Variants in GCLC observed in about 807,000 individuals in gnomAD.
GCLC encodes glutamate-cysteine ligase catalytic subunit, also known as glutamate--cysteine ligase catalytic subunit.
A neutral mutation model predicts 81.5 loss-of-function variants in GCLC; 30 were observed. The observed-to-expected ratio is 0.37, with a 90% confidence interval of 0.28 to 0.50. The LOEUF (loss-of-function observed/expected upper bound fraction) is 0.50. Among genes scored for constraint, GCLC ranks in the 20% least tolerant of loss-of-function variants. The probability of loss-of-function intolerance (pLI) is 0.96; values close to 1 mark genes in which losing one functional copy is unlikely to be tolerated. For synonymous variants in GCLC, 262 were observed against 273.3 expected (o/e 0.96, Z 0.41); for missense variants, 556 against 777.4 (o/e 0.72, Z 3.39).
At position 53,500,099 on chromosome 6, in the gene GCLC, C is replaced by G. The variant is rs751069381; in HGVS notation, c.1648G>C (p.Asp550His). 8.7e-6 allele frequency: 14 copies of G among 1,609,686 alleles called. No individual in the cohort carries two copies. Among genetic ancestry groups the G allele is most frequent in the Non-Finnish European group, 2.6e-6 (3 of 1,176,102 alleles). The change falls in exon 15 of 16, where the codon GAC becomes CAC. Residue 550 changes from aspartate to histidine, a missense_variant. This residue lies in a region of GCLC where 313 missense variants were observed against 437.3 expected (regional missense o/e 0.72). Coordinates refer to ENST00000650454, the MANE Select transcript of GCLC (RefSeq NM_001498.4). ...TAGTTCAGAATACTACATCTGGTGT[C>G]CACATCCACTTCCATGTTTTCAAGG... ...SYLENMEVDV[D>H]TRCSILNYLK...
chr6:53,541,039 A>G (rs1763345129), intron 1 of GCLC, among the ~76,000 whole-genome samples: 1 of 152,116 alleles, frequency 6.6e-6, no homozygotes, highest in Non-Finnish European at 1.5e-5. Context: ...ACATGGTGAA[A>G]CCCCGATTCT....
At chr6:53,532,346 A>C (rs1298453545) in intron 1 of GCLC, among the ~76,000 whole-genome samples, 1 of 152,252 alleles carries the variant, frequency 6.6e-6, no homozygotes, top group Non-Finnish European at 1.5e-5. Flanking sequence ...CTGAGATACT[A>C]AATGACCGAG....
At chr6:53,521,005 A>C in intron 2 of GCLC, 45 bp from the exon 3 acceptor site, 1 of 1,484,374 alleles carries the variant, frequency 6.7e-7, no homozygotes, top group South Asian at 1.1e-5. Flanking sequence ...CTTTTGCTAT[A>C]GTCTGCTCAA....
chr6:53,505,264 T>C (rs775080837), intron 12 of GCLC, 128 bp downstream of exon 12: 1 of 684,376 alleles, frequency 1.5e-6, no homozygotes, highest in South Asian at 1.6e-5. Flanking sequence ...ATAGGGCTGA[T>C]GGAGAAACAT....
chr6:53,541,890 G>A (rs1763362464), intron 1 of GCLC, among the ~76,000 whole-genome samples: 1 of 152,096 alleles, frequency 6.6e-6, no homozygotes, highest in South Asian at 2.1e-4. Context: ...GGGGTAGGGG[G>A]CTAGGGTCTC....
intron 1 of GCLC, among the ~76,000 whole-genome samples, chr6:53,541,412 C>T (rs529715671): frequency 2.5e-3 from 379 of 152,212 alleles, no homozygotes; most frequent in African/African-American, 8.4e-3. Context: ...TAATTCTTTC[C>T]TTTGTGTCGG....
At position 53,514,201 on chromosome 6, in the gene GCLC, T is replaced by C. The variant is rs1387009473; in HGVS notation, c.753+3A>G. On this transcript the variant is annotated splice_donor_region_variant and intron_variant, in intron 6 of 15. Coordinates refer to ENST00000650454, the MANE Select transcript of GCLC (RefSeq NM_001498.4). ...TTGCCTCTCTGTATATTTGAAACTA[T>C]ACCTGGAGACAGCAATTGCCCATTC... is the stretch of plus-strand genomic sequence containing the variant. The C allele has an allele frequency of 1.2e-6, 2 of 1,613,918 alleles. No individual in the cohort carries two copies. Among genetic ancestry groups the C allele is most frequent in the South Asian group, 1.1e-5 (1 of 91,070 alleles).
In GCLC at chr6:53,509,193, T is replaced by C; in HGVS notation, c.811A>G (p.Thr271Ala). Residue 271 changes from threonine (T) to alanine (A), a missense_variant, in exon 7 of 16, where the codon ACT becomes GCT. Coordinates refer to ENST00000650454, the MANE Select transcript of GCLC (RefSeq NM_001498.4). ...EARYLYDQLA[T>A]ICPIVMALSA... ...CTACTTACAACAATTGGACAGATAGTAGCCAACTGATCATAAAGGTATCTG... is the reference window on the plus strand; with the variant it reads ...CTACTTACAACAATTGGACAGATAGCAGCCAACTGATCATAAAGGTATCTG... 6.3e-7 allele frequency: 1 copy of C among 1,593,086 alleles called. No homozygotes were observed.
At position 53,544,980 on chromosome 6, in the gene GCLC, C is replaced by G. The variant is rs1395022286; in HGVS notation, c.-335G>C. ...GGCGGCGGCGGACCCCACGGCCGCGCTGCCGCGGCGGCTCCCGCTTCTCTT... is the reference window on the plus strand; with the variant it reads ...GGCGGCGGCGGACCCCACGGCCGCGGTGCCGCGGCGGCTCCCGCTTCTCTT... On this transcript the variant is annotated 5_prime_UTR_variant, in exon 1 of 16. Coordinates refer to ENST00000650454, the MANE Select transcript of GCLC (RefSeq NM_001498.4). 5.2e-6 allele frequency: 1 copy of G among 191,866 alleles called. No individual in the cohort carries two copies. Among genetic ancestry groups the G allele is most frequent in the Non-Finnish European group, 1.1e-5 (1 of 94,494 alleles). 11.9% of individuals were successfully genotyped at this position (191,866 alleles called of 1,614,324 possible). A position where few individuals can be genotyped will look rare whatever the true frequency, so the allele number is the denominator to read the frequency against.
intron 12 of GCLC, chr6:53,500,938 T>G (rs879232437): frequency 5.2e-5 from 16 of 308,698 alleles, no homozygotes; most frequent in Middle Eastern, 1.1e-3. Flanking sequence ...TTTTTTGAGA[T>G]GGAGTCTCGC....
intron 2 of GCLC, 78 bp from the exon 3 acceptor site, chr6:53,521,038 T>C (rs1485256334): frequency 1.0e-5 from 12 of 1,151,090 alleles, no homozygotes; most frequent in Non-Finnish European, 1.6e-5. Flanking sequence ...TAAAGTTGCT[T>C]TAAAAGTGTA....
intron 1 of GCLC, among the ~76,000 whole-genome samples, chr6:53,538,354 T>C (rs1162414508): frequency 6.7e-6 from 1 of 148,534 alleles, no homozygotes; most frequent in Non-Finnish European, 1.5e-5. Context: ...TGAGATGCAG[T>C]CTCGCTCTGC....
intron 1 of GCLC, among the ~76,000 whole-genome samples, chr6:53,542,205 C>A (rs533717329): frequency 6.6e-6 from 1 of 152,120 alleles, no homozygotes; most frequent in African/African-American, 2.4e-5. Context: ...ATCTGCTCAG[C>A]GTAATTTTTT....
At chr6:53,522,564 C>T (rs1239637780) in intron 1 of GCLC, 37 bp from the exon 2 acceptor site, 1 of 1,344,632 alleles carries the variant, frequency 7.4e-7, no homozygotes, top group South Asian at 1.2e-5. Flanking sequence ...TAACATTCTT[C>T]CAGACTTGTT....
chr6:53,513,392 C>G (rs568475200), intron 6 of GCLC: 1 of 152,188 alleles, frequency 6.6e-6, no homozygotes, highest in East Asian at 1.9e-4. Flanking sequence ...TAACAAGCAG[C>G]CTCTCTCTTT....
intron 1 of GCLC, among the ~76,000 whole-genome samples, chr6:53,539,930 T>G (rs1257864237): frequency 6.6e-6 from 1 of 152,238 alleles, no homozygotes; most frequent in Non-Finnish European, 1.5e-5. Flanking sequence ...GAGCTCCTAC[T>G]ATGTGCAAAG....
intron 4 of GCLC, among the ~76,000 whole-genome samples, chr6:53,515,406 C>A (rs765956407): frequency 1.6e-4 from 24 of 152,342 alleles, no homozygotes; most frequent in Non-Finnish European, 2.4e-4. Context: ...CCTTTAAACA[C>A]ATGACAACAT....
Position 53,497,712 on chromosome 6 carries a change from AC to A in GCLC, c.*1043del, listed in dbSNP as rs1322446301. 1.3e-5 allele frequency: 2 copies of A among 152,628 alleles called. No homozygotes were observed. The highest frequency in any genetic ancestry group is 2.9e-5 in the Non-Finnish European group (2 of 68,032). 9.5% of individuals were successfully genotyped at this position (152,628 alleles called of 1,614,324 possible). A position where few individuals can be genotyped will look rare whatever the true frequency, so the allele number is the denominator to read the frequency against. On this transcript the variant is annotated 3_prime_UTR_variant, in exon 16 of 16. Transcript: ENST00000650454. ...TTATCTGAAACTTATTTACAATTAA[AC>A]ATTTAGGGTCCTGATTTACAAAACT...
chr6:53,544,588 C>G lies in GCLC; in HGVS notation c.58G>C (p.Asp20His). Residue 20 changes from aspartate to histidine, a missense_variant, in exon 1 of 16, where the codon GAC becomes CAC. Physicochemically the swap from Asp to His is moderately conservative, Grantham distance 81. Transcript: ENST00000650454. Reference protein sequence around the residue: ...LSWEETKRHADHVRRHGILQF... With the variant: ...LSWEETKRHAHHVRRHGILQF... ...AGGATCCCGTGCCGCCGCACGTGGT[C>G]GGCATGGCGCTTGGTTTCCTCCCAG... 1 of 1,605,366 alleles carries G rather than the reference C, an allele frequency of 6.2e-7. No homozygotes were observed.
Sources: allele counts gnomAD v4.1 joint callset (sites outside exome capture counted in the v4.1 genomes callset), GRCh38; gene constraint gnomAD v4.1.1; regional missense constraint gnomAD v4.1.1; transcripts MANE v1.5; gene names NCBI Gene and HGNC (gene_info 2026-07-23, HGNC 2026-07-21).